CPE: variants seen among roughly 807,000 people sequenced by gnomAD.
CPE encodes the protein carboxypeptidase E.
In CPE, 17 loss-of-function variants were observed where a neutral mutation model predicts 53.5. The ratio of observed to expected loss-of-function variants is 0.32; its 90% confidence interval spans 0.22 to 0.48. The LOEUF (loss-of-function observed/expected upper bound fraction) is 0.48. Among genes scored for constraint, CPE ranks in the 20% least tolerant of loss-of-function variants. The pLI is 0.99. For missense variants in CPE, 524 were observed against 614.7 expected (o/e 0.85, Z 1.56); for synonymous variants, 226 against 228.8 (o/e 0.99, Z 0.11).
At chr4:165,473,991 G>A (rs1732251156) in intron 3 of CPE, among the ~76,000 whole-genome samples, 1 of 152,234 alleles carries the variant, frequency 6.6e-6, no homozygotes, top group Non-Finnish European at 1.5e-5. Context: ...CTAAGCTTGT[G>A]GCAGAGGGGG....
intron 4 of CPE, among the ~76,000 whole-genome samples, chr4:165,482,826 G>C (rs1202093120): frequency 1.3e-5 from 2 of 152,148 alleles, no homozygotes; most frequent in East Asian, 1.9e-4. Flanking sequence ...TCAGGGAGGG[G>C]AAGTGGTGCT....
intron 1 of CPE, among the ~76,000 whole-genome samples, chr4:165,392,696 C>G (rs1197862178): frequency 6.8e-6 from 1 of 146,514 alleles, no homozygotes; most frequent in Non-Finnish European, 1.5e-5. Flanking sequence ...CATAATGGAG[C>G]TTATCGTAGT....
chr4:165,493,149 T>G (rs780653193), intron 6 of CPE, 22 bp from the exon 7 acceptor site: 4 of 1,496,016 alleles, frequency 2.7e-6, no homozygotes, highest in African/African-American at 1.4e-5. Context: ...ATTAATTTTT[T>G]GGTTATTTTT....
chr4:165,470,669 G>A (rs1262829647), intron 3 of CPE, among the ~76,000 whole-genome samples: 1 of 152,096 alleles, frequency 6.6e-6, no homozygotes, highest in African/African-American at 2.4e-5. Flanking sequence ...CATTCCTGGT[G>A]GTTGGAGGGC....
intron 1 of CPE, among the ~76,000 whole-genome samples, chr4:165,436,171 G>A (rs1731497668): frequency 6.8e-6 from 1 of 147,768 alleles, no homozygotes; most frequent in Non-Finnish European, 1.5e-5. Context: ...AATATATTTT[G>A]CAGCATTTCC....
Position 165,436,858 on chromosome 4 carries a change from G to A in CPE, c.308-27532G>A, listed in dbSNP as rs116498993. On this transcript the variant is annotated intron_variant, in intron 1 of 8. Coordinates refer to ENST00000402744, the MANE Select transcript of CPE (RefSeq NM_001873.4). ...TCTTTAAGGAAAAAGCTTTTGTAGA[G>A]TCGAAGAGGAAAAGCTTCTACTTTG... Among the ~76,000 whole-genome samples the A allele has an allele frequency of 7.2e-3, 1,095 of 152,266 alleles. 13 individuals carry two copies. The highest frequency in any genetic ancestry group is 0.024 in the African/African-American group (1,008 of 41,528).
chr4:165,400,166 G>A (rs1730842909), intron 1 of CPE, among the ~76,000 whole-genome samples: 2 of 152,192 alleles, frequency 1.3e-5, no homozygotes, highest in Admixed American at 1.3e-4. Flanking sequence ...TTAGGGAGGT[G>A]TTGTGGACCC....
chr4:165,379,599 G>C lies in CPE; in HGVS notation c.307+71G>C, dbSNP rs940785546. On this transcript the variant is annotated intron_variant, in intron 1 of 8. Transcript: ENST00000402744. The surrounding 1 kb of genome is among the most constrained non-coding windows in gnomAD (Gnocchi z 6.0). The stretch of plus-strand genomic sequence containing the variant: ...GGCGGCAGAGGGTGGGACTGGTGGC[G>C]GTGGGGGAAGGAGGGAGGGATGGGC... 6.3e-6 allele frequency: 8 copies of C among 1,278,172 alleles called. No homozygotes were observed. In the South Asian group the frequency reaches 8.9e-5, roughly 14 times the overall value. The allele number at this position is 1,278,172 out of a possible 1,614,324, so 79.2% of individuals were successfully genotyped here.
At position 165,430,069 on chromosome 4, in the gene CPE, C is replaced by T. The variant is rs1009390238; in HGVS notation, c.308-34321C>T. ...CAAAAAATAAAAATAAAAATAATGC[C>T]CTTATTATTATTGTGCTCTTTAAAA... On this transcript the variant is annotated intron_variant, in intron 1 of 8. Coordinates refer to ENST00000402744, the MANE Select transcript of CPE (RefSeq NM_001873.4). Among the ~76,000 whole-genome samples, 43 of 151,940 alleles carry T rather than the reference C, an allele frequency of 2.8e-4. 1 individual carries two copies. Among genetic ancestry groups the T allele is most frequent in the Non-Finnish European group, 7.4e-5 (5 of 67,998 alleles).
At chr4:165,451,736 C>T (rs551451011) in intron 1 of CPE, among the ~76,000 whole-genome samples, 33 of 152,106 alleles carry the variant, frequency 2.2e-4, no homozygotes, top group African/African-American at 5.8e-4. Flanking sequence ...GTGATCCACC[C>T]GCCTCGGCCT....
intron 6 of CPE, among the ~76,000 whole-genome samples, chr4:165,490,335 T>G (rs1240566918): frequency 6.6e-6 from 1 of 152,134 alleles, no homozygotes; most frequent in Non-Finnish European, 1.5e-5. Context: ...AAAAAATTTC[T>G]TAAAGAATGG....
chr4:165,432,058 T>G (rs1378372518), intron 1 of CPE, among the ~76,000 whole-genome samples: 1 of 150,858 alleles, frequency 6.6e-6, no homozygotes, highest in African/African-American at 2.4e-5. Context: ...AGACTATCAG[T>G]ATGATGCCAG....
chr4:165,465,929 A>G (rs1732091371), intron 2 of CPE, among the ~76,000 whole-genome samples: 1 of 152,222 alleles, frequency 6.6e-6, no homozygotes, highest in Non-Finnish European at 1.5e-5. Flanking sequence ...GAAATAGGTC[A>G]TTTATAACTA....
At position 165,497,541 on chromosome 4, in the gene CPE, A is replaced by G. The variant is rs767414770; in HGVS notation, c.1362A>G (p.Glu454=). The change falls in exon 9 of 9, where the codon GAA becomes GAG. Residue 454 remains glutamate (E), a synonymous_variant. Coordinates refer to ENST00000402744, the MANE Select transcript of CPE (RefSeq NM_001873.4). ...ATTTTGAACTGGAGTCATTTTCTGA[A>G]AGGAAAGAAGAGGAGAAGGAAGAAT... is the stretch of plus-strand genomic sequence containing the variant. ...GVDFELESFS[E]RKEEEKEELM... 17 of 1,576,346 alleles carry G rather than the reference A, an allele frequency of 1.1e-5. No individual in the cohort carries two copies. Among genetic ancestry groups the G allele is most frequent in the Non-Finnish European group, 1.4e-5 (16 of 1,164,732 alleles).
intron 1 of CPE, chr4:165,405,019 G>A (rs868309315): frequency 1.4e-6 from 1 of 735,614 alleles, no homozygotes; most frequent in Non-Finnish European, 2.5e-6. Flanking sequence ...TGTGATGGAT[G>A]GACAGCATCC....
chr4:165,439,872 T>C (rs1389378043), intron 1 of CPE, among the ~76,000 whole-genome samples: 2 of 152,072 alleles, frequency 1.3e-5, no homozygotes, highest in Non-Finnish European at 2.9e-5. Context: ...ACCGATAGCA[T>C]GATGAGAGGG....
At chr4:165,486,086 C>G (rs928613401) in intron 5 of CPE, among the ~76,000 whole-genome samples, 1 of 152,072 alleles carries the variant, frequency 6.6e-6, no homozygotes, top group African/African-American at 2.4e-5. Flanking sequence ...TTTGGTGGCT[C>G]CATATCTGTC....
At chr4:165,448,664 G>C (rs554807918) in intron 1 of CPE, among the ~76,000 whole-genome samples, 1 of 151,958 alleles carries the variant, frequency 6.6e-6, no homozygotes, top group African/African-American at 2.4e-5. Context: ...TTATCATTGC[G>C]AGCATTGTCA....
At chr4:165,381,699 G>A (rs6843002) in intron 1 of CPE, among the ~76,000 whole-genome samples, 2,358 of 152,248 alleles carry the variant, frequency 0.015, 62 homozygotes, top group African/African-American at 0.052. Context: ...TTTTATGAGC[G>A]TCAAGGAGGT....
Sources: gnomAD v4.1 joint callset for allele counts (sites outside exome capture counted in the v4.1 genomes callset) on GRCh38, gnomAD v4.1.1 for gene constraint, Gnocchi (gnomAD v3.1) non-coding constraint, MANE v1.5 for transcripts, NCBI Gene and HGNC (gene_info 2026-07-23, HGNC 2026-07-21) for gene names.